The following CBFA2T3 variants were observed in gnomAD, a reference collection of about 807,000 sequenced individuals.
CBFA2T3 encodes the protein transcriptional corepressor CBFA2T3.
CBFA2T3 carries 31 observed loss-of-function variants against 58.6 expected under a neutral mutation model. The observed-to-expected ratio is 0.53, with a 90% CI of 0.40 to 0.71. The LOEUF (loss-of-function observed/expected upper bound fraction) is 0.71. CBFA2T3 is among the 30% of genes least tolerant of loss of function. CBFA2T3 has a pLI of 0.00. For synonymous variants in CBFA2T3, 531 were observed against 421.9 expected (o/e 1.26, Z -3.17); for missense variants, 1,076 against 963.1 (o/e 1.12, Z -1.55).
At chr16:88,932,562 G>A (rs932153160) in intron 1 of CBFA2T3, among the ~76,000 whole-genome samples, 14 of 151,842 alleles carry the variant, frequency 9.2e-5, no homozygotes, top group Admixed American at 6.6e-4. Flanking sequence ...GGGGAGGATC[G>A]CTTGAGCCTA....
chr16:88,930,927 CGGG>C (rs544964653), intron 1 of CBFA2T3, among the ~76,000 whole-genome samples: 1 of 150,142 alleles, frequency 6.7e-6, no homozygotes, highest in Admixed American at 6.6e-5. Context: ...AGCGAGCTGG[CGGG>C]GGGCGTGGCG....
intron 1 of CBFA2T3, among the ~76,000 whole-genome samples, chr16:88,915,356 G>A (rs1280538520): frequency 8.9e-6 from 1 of 111,732 alleles, no homozygotes; most frequent in African/African-American, 3.6e-5. Context: ...CAACTCAGAG[G>A]AGGGACAGCT....
chr16:88,889,902 A>C (rs1418278482), intron 5 of CBFA2T3, among the ~76,000 whole-genome samples: 1 of 131,258 alleles, frequency 7.6e-6, no homozygotes, highest in Non-Finnish European at 1.6e-5. Context: ...CTCCTCCTTC[A>C]GGGACGACGC....
chr16:88,967,181 G>A (rs1972534214), intron 1 of CBFA2T3, among the ~76,000 whole-genome samples: 1 of 115,834 alleles, frequency 8.6e-6, no homozygotes, highest in South Asian at 3.1e-4. Context: ...CCCCCGAGGT[G>A]CCACTCGGCC....
At chr16:88,943,854 G>C (rs1007181594) in intron 1 of CBFA2T3, among the ~76,000 whole-genome samples, 1 of 152,200 alleles carries the variant, frequency 6.6e-6, no homozygotes, top group African/African-American at 2.4e-5. Flanking sequence ...CTATGTGAAA[G>C]ATGTCTGCAG....
intron 1 of CBFA2T3, among the ~76,000 whole-genome samples, chr16:88,906,084 G>T (rs530695079): frequency 6.6e-6 from 1 of 152,016 alleles, no homozygotes; most frequent in Non-Finnish European, 1.5e-5. Flanking sequence ...AGCACTCTCC[G>T]CCATCACTCG....
At chr16:88,936,924 C>T in intron 1 of CBFA2T3, 1 of 152,270 alleles carries the variant, frequency 6.6e-6, no homozygotes, top group East Asian at 1.9e-4. Flanking sequence ...TTATCTCTCA[C>T]TCTCCTCATC....
intron 1 of CBFA2T3, among the ~76,000 whole-genome samples, chr16:88,916,591 C>G (rs550965150): frequency 1.4e-4 from 18 of 127,820 alleles, no homozygotes; most frequent in African/African-American, 5.5e-4. Context: ...GTGGTCTGAT[C>G]TGCAGACAGA....
chr16:88,929,318 G>A (rs1157574443), intron 1 of CBFA2T3, among the ~76,000 whole-genome samples: 1 of 152,216 alleles, frequency 6.6e-6, no homozygotes, highest in African/African-American at 2.4e-5. Context: ...ACCATCGCCT[G>A]TGAGAGGCGT....
chr16:88,901,655 G>T lies in CBFA2T3; in HGVS notation c.153C>A (p.Ala51=). 1 of 1,526,066 alleles carries T rather than the reference G, an allele frequency of 6.6e-7. No homozygotes were observed. The allele number at this position is 1,526,066 out of a possible 1,614,324, so 94.5% of individuals were successfully genotyped here. A position where few individuals can be genotyped will look rare whatever the true frequency, so the allele number is the denominator to read the frequency against. Residue 51 remains alanine, a splice_region_variant and synonymous_variant, in exon 2 of 12, where the codon GCC becomes GCA. Coordinates refer to ENST00000268679, the MANE Select transcript of CBFA2T3 (RefSeq NM_005187.6). ...APRGPRKGGP[A]PVDRKAKASA... is the part of the protein sequence containing the mutation. The stretch of plus-strand genomic sequence containing the variant: ...AGGCCTTAGCTTTCCTGTCCACTGG[G>T]GCTGCGACCAACGGAGAAAGAAAGA...
chr16:88,903,373 C>T lies in CBFA2T3; in HGVS notation c.152-1717G>A, dbSNP rs186089938. 2.6e-5 allele frequency among the ~76,000 whole-genome samples: 4 copies of T among 152,334 alleles called. No homozygotes were observed. The East Asian group carries it at 7.7e-4, about 29-fold the overall frequency. ...TCCAGGCAGGAGTGGAGCAGTCCCC[C>T]TCTGCTGGGCCTGTGGGGAGTGGTG... On this transcript the variant is annotated intron_variant, in intron 1 of 11. Transcript: ENST00000268679.
intron 3 of CBFA2T3, among the ~76,000 whole-genome samples, chr16:88,894,214 G>A (rs932496769): frequency 1.8e-4 from 24 of 134,024 alleles, no homozygotes; most frequent in Non-Finnish European, 2.5e-4. Context: ...GTACACACAT[G>A]CACGCACACA....
chr16:88,901,873 G>T (rs1169479727), intron 1 of CBFA2T3, among the ~76,000 whole-genome samples: 2 of 152,158 alleles, frequency 1.3e-5, no homozygotes, highest in Non-Finnish European at 2.9e-5. Context: ...CATCTGAGGT[G>T]GCCGGCCAGG....
At chr16:88,888,001 TG>T (rs1969451159) in intron 5 of CBFA2T3, among the ~76,000 whole-genome samples, 1 of 152,212 alleles carries the variant, frequency 6.6e-6, no homozygotes, top group African/African-American at 2.4e-5. Context: ...GCTGTGGCCT[TG>T]GGCTGGTCAT....
At chr16:88,886,788 G>T (rs1394439511) in intron 5 of CBFA2T3, 1 of 152,346 alleles carries the variant, frequency 6.6e-6, no homozygotes, top group African/African-American at 2.4e-5. Flanking sequence ...GGCTGCTCAA[G>T]TGATCCTCCA....
intron 7 of CBFA2T3, among the ~76,000 whole-genome samples, chr16:88,883,083 G>C (rs1969193626): frequency 6.6e-6 from 1 of 152,224 alleles, no homozygotes; most frequent in African/African-American, 2.4e-5. Flanking sequence ...ACCAGGCAGG[G>C]AGCGGTGGGG....
chr16:88,879,491 A>G, intron 10 of CBFA2T3, 31 bp from the exon 11 acceptor site: 1 of 1,592,078 alleles, frequency 6.3e-7, no homozygotes, highest in Non-Finnish European at 8.6e-7. Context: ...GCTGGCGGTC[A>G]CATGGGCCAT....
At chr16:88,949,617 G>A (rs1192609776) in intron 1 of CBFA2T3, among the ~76,000 whole-genome samples, 2 of 151,028 alleles carry the variant, frequency 1.3e-5, no homozygotes, top group Admixed American at 1.3e-4. Context: ...GGGGACAAAC[G>A]ACAGTGGCCC....
At chr16:88,879,543 G>T in intron 10 of CBFA2T3, 83 bp from the exon 11 acceptor site, 2 of 1,270,294 alleles carry the variant, frequency 1.6e-6, no homozygotes, top group Non-Finnish European at 1.1e-6. Flanking sequence ...GCCACAACCT[G>T]GGGACAGGGG....
Sources: gnomAD v4.1 joint callset for allele counts (sites outside exome capture counted in the v4.1 genomes callset) on GRCh38, gnomAD v4.1.1 for gene constraint, MANE v1.5 for transcripts, NCBI Gene and HGNC (gene_info 2026-07-23, HGNC 2026-07-21) for gene names.